TTC34: variants seen among roughly 807,000 people sequenced by gnomAD.
The protein encoded by TTC34 is tetratricopeptide repeat protein 34.
A neutral mutation model predicts 40.7 loss-of-function variants in TTC34; 44 were observed. The observed-to-expected ratio is 1.08, with a 90% CI of 0.85 to 1.39. The LOEUF (loss-of-function observed/expected upper bound fraction) is 1.39, where lower values mean the gene tolerates loss of function less well. Among genes scored for constraint, TTC34 ranks in the 40% most tolerant of loss-of-function variants. TTC34 has a pLI of 0.00. For synonymous variants in TTC34, 422 were observed against 398.6 expected (o/e 1.06, Z -0.70); for missense variants, 884 against 838.0 (o/e 1.05, Z -0.68).
chr1:2,641,798 G>A, exon 9 of TTC34: 1 of 1,535,300 alleles, frequency 6.5e-7, no homozygotes, highest in Non-Finnish European at 8.7e-7. Context: ...CAGGTGACAG[G>A]CACTGCTGCC....
intron 2 of TTC34, among the ~76,000 whole-genome samples, chr1:2,795,734 C>T (rs1469559353): frequency 6.6e-6 from 1 of 152,216 alleles, no homozygotes; most frequent in Admixed American, 6.5e-5. Context: ...TGGAAGTGGT[C>T]ATCCCAGTCC....
At chr1:2,652,025 G>GTC (rs1557584191) in intron 6 of TTC34, among the ~76,000 whole-genome samples, 3 of 76,946 alleles carry the variant, frequency 3.9e-5, no homozygotes, top group African/African-American at 9.5e-5. Context: ...ACCTGACATC[G>GTC]TGGAGCAGCA....
At chr1:2,769,508 CCCCCA>C (rs1641962213) in intron 6 of TTC34, among the ~76,000 whole-genome samples, 1 of 109,182 alleles carries the variant, frequency 9.2e-6, no homozygotes, top group South Asian at 3.5e-4. Flanking sequence ...GCACCCCACA[CCCCCA>C]GTGAGCATCT....
chr1:2,765,741 G>A (rs1641769479), intron 6 of TTC34, among the ~76,000 whole-genome samples: 2 of 47,372 alleles, frequency 4.2e-5, no homozygotes, highest in East Asian at 5.5e-4. Context: ...TGACAGCCTG[G>A]AGCAGCGCCC....
chr1:2,681,840 T>G (rs1226763749), intron 6 of TTC34, among the ~76,000 whole-genome samples: 56 of 85,606 alleles, frequency 6.5e-4, no homozygotes, highest in Non-Finnish European at 9.2e-4. Context: ...GGTGAGCATC[T>G]GACAGCCTGG....
At chr1:2,786,294 G>C (rs2100625117) in intron 4 of TTC34, among the ~76,000 whole-genome samples, 1 of 152,326 alleles carries the variant, frequency 6.6e-6, no homozygotes, top group Admixed American at 6.5e-5. Context: ...CCAGCCCCTG[G>C]CTGTGTGTCC....
chr1:2,789,599 G>T, exon 3 of TTC34: 1 of 1,401,164 alleles, frequency 7.1e-7, no homozygotes, highest in Non-Finnish European at 9.3e-7. Flanking sequence ...CATCCCACGG[G>T]CCTCCTCCCG....
chr1:2,681,905 C>T (rs913970654), intron 6 of TTC34, among the ~76,000 whole-genome samples: 2 of 95,680 alleles, frequency 2.1e-5, no homozygotes, highest in Non-Finnish European at 4.7e-5. Flanking sequence ...ACAGCCTGCA[C>T]CACCAGGTGC....
At chr1:2,685,971 CAT>C (rs1640321148) in intron 6 of TTC34, among the ~76,000 whole-genome samples, 1 of 103,422 alleles carries the variant, frequency 9.7e-6, no homozygotes, top group Non-Finnish European at 2.0e-5. Context: ...CACAGGCGAG[CAT>C]CTGACTGCAT....
At chr1:2,651,237 A>T (rs775174687) in intron 6 of TTC34, among the ~76,000 whole-genome samples, 1 of 151,700 alleles carries the variant, frequency 6.6e-6, no homozygotes, top group Non-Finnish European at 1.5e-5. Flanking sequence ...TCACACCCCG[A>T]GGTGAATGTG....
At chr1:2,692,227 C>T (rs1460667754) in intron 6 of TTC34, among the ~76,000 whole-genome samples, 1 of 73,918 alleles carries the variant, frequency 1.4e-5, no homozygotes, top group East Asian at 3.3e-4. Context: ...ACCCACATCC[C>T]CAGGCGAGCA....
intron 6 of TTC34, among the ~76,000 whole-genome samples, chr1:2,779,217 A>G (rs1275459423): frequency 6.6e-6 from 1 of 152,200 alleles, no homozygotes; most frequent in Non-Finnish European, 1.5e-5. Context: ...GTGAACAATG[A>G]TGCTATCTAT....
At chr1:2,686,257 G>A (rs1640339720) in intron 6 of TTC34, among the ~76,000 whole-genome samples, 1 of 149,038 alleles carries the variant, frequency 6.7e-6, no homozygotes, top group South Asian at 2.1e-4. Context: ...GTGAGCATCT[G>A]ACAGCGTGGA....
rs541777946 is a variant in TTC34 at position 2,641,745 on chromosome 1, G to A, written c.2863C>T (p.Arg955Trp). Reference sequence around the variant, plus strand: ...ACATGGTCCAGGTCCCTAAGGGCCCGGCCAAACTCCTGCAACTCGGCCAGG... The same window carrying A: ...ACATGGTCCAGGTCCCTAAGGGCCCAGCCAAACTCCTGCAACTCGGCCAGG... Residue 955 changes from arginine (R) to tryptophan (W), a missense_variant, in exon 9 of 9, where the codon CGG becomes TGG. Arg to Trp is a moderately radical substitution (Grantham distance 101). Coordinates refer to ENST00000401095, the Ensembl canonical transcript of TTC34. 32 of 1,535,322 alleles carry A rather than the reference G, an allele frequency of 2.1e-5. No homozygotes were observed. The highest frequency in any genetic ancestry group is 1.6e-4 in the Admixed American group (8 of 50,982).
At chr1:2,694,611 C>T (rs1355126080) in intron 6 of TTC34, among the ~76,000 whole-genome samples, 4 of 33,510 alleles carry the variant, frequency 1.2e-4, no homozygotes, top group East Asian at 1.5e-3. Flanking sequence ...GCATCTGAAA[C>T]CACGGAGCAG....
intron 6 of TTC34, among the ~76,000 whole-genome samples, chr1:2,647,364 C>T (rs59992847): frequency 0.017 from 2,545 of 152,248 alleles, 61 homozygotes; most frequent in African/African-American, 0.057. Flanking sequence ...GTGGCTCACG[C>T]CTGTAATCCC....
intron 6 of TTC34, among the ~76,000 whole-genome samples, chr1:2,650,458 C>G (rs1221602169): frequency 2.0e-5 from 3 of 149,274 alleles, no homozygotes; most frequent in Non-Finnish European, 4.5e-5. Context: ...ACAGCATTCT[C>G]CAACCCCAGG....
exon 2 of TTC34, chr1:2,800,667 C>G (rs986535727): frequency 2.5e-6 from 1 of 398,438 alleles, no homozygotes; most frequent in African/African-American, 2.1e-5. Context: ...CGCCGCCCCC[C>G]GAGCCTGGGC....
rs769709737 is a variant in TTC34 at position 2,785,986 on chromosome 1, C to A, written c.1892G>T (p.Cys631Phe). 2.7e-6 allele frequency: 4 copies of A among 1,498,184 alleles called. No individual in the cohort carries two copies. Among genetic ancestry groups the A allele is most frequent in the Non-Finnish European group, 3.6e-6 (4 of 1,116,752 alleles). The allele number at this position is 1,498,184 out of a possible 1,614,324, so 92.8% of individuals were successfully genotyped here. ...GAAGACGTCCAGGGTGGGCTGGAGG[C>A]AGGCGGTGTCACCAGACTGGACCAG... Residue 631 changes from cysteine (C) to phenylalanine (F), a missense_variant, in exon 5 of 9, where the codon TGC becomes TTC. Cys to Phe is a radical substitution (Grantham distance 205, BLOSUM62 -2). Transcript: ENST00000401095.
Sources: allele counts gnomAD v4.1 joint callset (sites outside exome capture counted in the v4.1 genomes callset), GRCh38; gene constraint gnomAD v4.1.1; transcripts MANE v1.5; gene names NCBI Gene and HGNC (gene_info 2026-07-23, HGNC 2026-07-21).